The following TMEM47 variants were observed in gnomAD, a reference collection of about 807,000 sequenced individuals.
TMEM47 encodes the protein brain cell membrane protein 1.
A neutral mutation model predicts 12.4 loss-of-function variants in TMEM47; 3 were observed. That is an observed-to-expected ratio of 0.24 (90% CI 0.11 to 0.63). The LOEUF (loss-of-function observed/expected upper bound fraction) is 0.63. TMEM47 is among the 20% of genes least tolerant of loss of function. TMEM47 has a pLI of 0.86. For missense variants in TMEM47, 89 were observed against 143.8 expected (o/e 0.62, Z 1.95); for synonymous variants, 62 against 63.3 (o/e 0.98, Z 0.10).
rs1391570323 is a variant in TMEM47, at chrX:34,656,933, G to A, written c.97C>T (p.Leu33=). 1 of 1,187,022 alleles carries A rather than the reference G, an allele frequency of 8.4e-7. No individual in the cohort carries two copies. Among genetic ancestry groups the A allele is most frequent in the Non-Finnish European group, 1.1e-6 (1 of 883,168 alleles). ...GGGCTCAGCACCGCCCCCAGGTCCA[G>A]ACACAGCGCCAGGAAGATGCACACC... ...GLVCIFLALC[L]DLGAVLSPAW... Residue 33 remains leucine (L), a synonymous_variant, in exon 1 of 3, where the codon CTG becomes TTG. Coordinates refer to ENST00000275954, the MANE Select transcript of TMEM47 (RefSeq NM_031442.4).
In TMEM47 at chrX:34,627,625, A is replaced by AATC. The variant is rs1373645616; in HGVS notation, c.*2685_*2687dup. ...CAAAAAGCTAAATAATTGTGCAAGA[A>AATC]ATCGGAATAACTAGCCCTGCTGAGT... is the stretch of plus-strand genomic sequence containing the variant. On this transcript the variant is annotated 3_prime_UTR_variant, in exon 3 of 3. Transcript: ENST00000275954. 5 of 112,203 alleles carry AATC rather than the reference A, an allele frequency of 4.5e-5. No individual in the cohort carries two copies. Among genetic ancestry groups the AATC allele is most frequent in the Non-Finnish European group, 9.4e-5 (5 of 53,103 alleles). 9.2% of individuals were successfully genotyped at this position (112,203 alleles called of 1,213,427 possible). A position where few individuals can be genotyped will look rare whatever the true frequency, so the allele number is the denominator to read the frequency against.
intron 1 of TMEM47, among the ~76,000 whole-genome samples, chrX:34,652,499 C>T (rs997817654): frequency 8.9e-6 from 1 of 111,868 alleles, no homozygotes; most frequent in Non-Finnish European, 1.9e-5. Flanking sequence ...AAATGTTTTA[C>T]GAAAGGCCAG....
intron 1 of TMEM47, among the ~76,000 whole-genome samples, chrX:34,640,127 T>C (rs1921789513): frequency 8.9e-6 from 1 of 112,059 alleles, no homozygotes; most frequent in African/African-American, 3.2e-5. Context: ...ATATTGTTTG[T>C]TTTTTCCACT....
At chrX:34,647,389 A>T (rs764003118) in intron 1 of TMEM47, among the ~76,000 whole-genome samples, 1 of 112,018 alleles carries the variant, frequency 8.9e-6, no homozygotes, top group East Asian at 2.8e-4. Context: ...AACAGAAAGT[A>T]TAAATATGTG....
chrX:34,646,699 T>C (rs901160714), intron 1 of TMEM47, among the ~76,000 whole-genome samples: 1 of 111,335 alleles, frequency 9.0e-6, no homozygotes, highest in South Asian at 3.8e-4. Flanking sequence ...TGAAACTTCC[T>C]CTAAGCAACT....
At chrX:34,639,535 A>G (rs924583893) in intron 1 of TMEM47, 148 bp from the exon 2 acceptor site, 5 of 582,127 alleles carry the variant, frequency 8.6e-6, no homozygotes, top group Non-Finnish European at 1.3e-5. Context: ...GTTTTGCAAC[A>G]AAAATGAATA....
intron 1 of TMEM47, among the ~76,000 whole-genome samples, chrX:34,641,255 A>T (rs752808948): frequency 8.9e-6 from 1 of 111,778 alleles, no homozygotes; most frequent in Non-Finnish European, 1.9e-5. Flanking sequence ...AAGTTTAATT[A>T]TATAAAAGTG....
intron 1 of TMEM47, among the ~76,000 whole-genome samples, chrX:34,645,015 C>T (rs1921885605): frequency 8.9e-6 from 1 of 111,993 alleles, no homozygotes; most frequent in African/African-American, 3.2e-5. Context: ...TATACAAATT[C>T]TTCCTAATTC....
Position 34,628,239 on chromosome X carries a change from C to G in TMEM47, c.*2074G>C, listed in dbSNP as rs1003742205. ...AGAGAATGTTTAGTTGCTGAAATCC[C>G]TATCCAAATATCATATTTCTCATGC... On this transcript the variant is annotated 3_prime_UTR_variant, in exon 3 of 3. Coordinates refer to ENST00000275954, the MANE Select transcript of TMEM47 (RefSeq NM_031442.4). 1.2e-4 allele frequency: 13 copies of G among 111,598 alleles called. No individual in the cohort carries two copies. The highest frequency in any genetic ancestry group is 4.2e-4 in the African/African-American group (13 of 30,686). The allele number at this position is 111,598 out of a possible 1,213,427, so 9.2% of individuals were successfully genotyped here.
rs958728765 is a variant in TMEM47, at chrX:34,644,857, T to A, written c.227-5470A>T. On this transcript the variant is annotated intron_variant, in intron 1 of 2. Coordinates refer to ENST00000275954, the MANE Select transcript of TMEM47 (RefSeq NM_031442.4). ...ACTGATTTTTAAATCACACTCACATTTGTCAGACTGGCACTTGTATTTTCA... is the reference window on the plus strand; with the variant it reads ...ACTGATTTTTAAATCACACTCACATATGTCAGACTGGCACTTGTATTTTCA... 1.8e-4 allele frequency among the ~76,000 whole-genome samples: 20 copies of A among 111,723 alleles called. No individual in the cohort carries two copies. The East Asian group carries it at 2.3e-3, about 13-fold the overall frequency.
rs770388301 is a variant in TMEM47 at position 34,630,334 on chromosome X, C to A, written c.525G>T (p.Lys175Asn). The A allele has an allele frequency of 2.5e-6, 3 of 1,208,870 alleles. No homozygotes were observed. The Admixed American group carries it at 6.5e-5, about 26-fold the overall frequency. ...GGTTCTAGTAGTAGTCTTCATAGTTCTTAGGGTTCAGGCAATAAAGGATGG... is the reference window on the plus strand; with the variant it reads ...GGTTCTAGTAGTAGTCTTCATAGTTATTAGGGTTCAGGCAATAAAGGATGG... ...GGAILYCLNPKNYEDYY is the reference protein window; with the variant it reads ...GGAILYCLNPNNYEDYY The change falls in exon 3 of 3, where the codon AAG becomes AAT. Residue 175 changes from lysine (K) to asparagine (N), a missense_variant. By Grantham distance (94) the Lys-to-Asn change is moderately conservative. Transcript: ENST00000275954.
intron 1 of TMEM47, among the ~76,000 whole-genome samples, chrX:34,644,594 T>C (rs1921877519): frequency 8.9e-6 from 1 of 112,365 alleles, no homozygotes; most frequent in Non-Finnish European, 1.9e-5. Context: ...GGCTAATTTA[T>C]TTACCTCTGT....
intron 1 of TMEM47, among the ~76,000 whole-genome samples, chrX:34,650,503 T>G (rs1237131982): frequency 2.7e-5 from 3 of 111,839 alleles, no homozygotes; most frequent in Non-Finnish European, 5.6e-5. Flanking sequence ...ACTCTGAGAT[T>G]CAATACATGG....
chrX:34,636,123 T>C (rs1921711961), intron 2 of TMEM47, among the ~76,000 whole-genome samples: 1 of 111,785 alleles, frequency 8.9e-6, no homozygotes, highest in Non-Finnish European at 1.9e-5. Context: ...AATCTAAATA[T>C]CCTGAATAGA....
intron 2 of TMEM47, among the ~76,000 whole-genome samples, chrX:34,632,110 C>T (rs1462384819): frequency 9.0e-6 from 1 of 111,636 alleles, no homozygotes; most frequent in Non-Finnish European, 1.9e-5. Context: ...AACCACACAG[C>T]TCACAAAGCC....
At chrX:34,650,473 A>G (rs1403290660) in intron 1 of TMEM47, among the ~76,000 whole-genome samples, 1 of 112,112 alleles carries the variant, frequency 8.9e-6, no homozygotes, top group East Asian at 2.8e-4. Context: ...AATCTTGTCT[A>G]TTTTATTAAA....
chrX:34,645,753 G>A (rs1921899688), intron 1 of TMEM47, among the ~76,000 whole-genome samples: 1 of 111,543 alleles, frequency 9.0e-6, no homozygotes, highest in Non-Finnish European at 1.9e-5. Context: ...TTTTTCACTT[G>A]CAAAGAAATA....
chrX:34,655,321 TTTC>T (rs751954084), intron 1 of TMEM47, among the ~76,000 whole-genome samples: 1 of 111,456 alleles, frequency 9.0e-6, no homozygotes, highest in Non-Finnish European at 1.9e-5. Flanking sequence ...AAGGAGATAT[TTTC>T]GCCAAAGTTT....
chrX:34,655,884 A>C (rs951158543), intron 1 of TMEM47, among the ~76,000 whole-genome samples: 1 of 111,639 alleles, frequency 9.0e-6, no homozygotes, highest in Non-Finnish European at 1.9e-5. Flanking sequence ...TCAAAATTAG[A>C]AAGGAAGGGG....
Sources: gnomAD v4.1 joint callset for allele counts (sites outside exome capture counted in the v4.1 genomes callset) on GRCh38, gnomAD v4.1.1 for gene constraint, MANE v1.5 for transcripts, NCBI Gene and HGNC (gene_info 2026-07-23, HGNC 2026-07-21) for gene names.